Variants in PHKA1 observed in about 807,000 individuals in gnomAD.
PHKA1 encodes the protein phosphorylase kinase regulatory subunit alpha 1.
A neutral mutation model predicts 110.2 loss-of-function variants in PHKA1; 60 were observed. The observed-to-expected ratio is 0.54, with a 90% CI of 0.44 to 0.68. The LOEUF (loss-of-function observed/expected upper bound fraction) is 0.68, where lower values mean the gene tolerates loss of function less well. Among genes scored for constraint, PHKA1 ranks in the 30% least tolerant of loss-of-function variants. PHKA1 has a pLI of 0.00. For synonymous variants in PHKA1, 316 were observed against 333.6 expected (o/e 0.95, Z 0.58); for missense variants, 801 against 942.5 (o/e 0.85, Z 1.97).
At chrX:72,672,167 A>G (rs2053713389) in intron 6 of PHKA1, among the ~76,000 whole-genome samples, 1 of 111,769 alleles carries the variant, frequency 8.9e-6, no homozygotes, top group African/African-American at 3.3e-5. Context: ...GAGCTGAGTG[A>G]ACACTGAAGC....
chrX:72,690,759 T>G (rs1310650246), intron 4 of PHKA1, among the ~76,000 whole-genome samples: 1 of 111,836 alleles, frequency 8.9e-6, no homozygotes, highest in Non-Finnish European at 1.9e-5. Context: ...TTTTTTAAAT[T>G]TAATTTCTTT....
chrX:72,705,298 C>T (rs1252627254), intron 2 of PHKA1, 53 bp from the exon 3 acceptor site: 3 of 955,449 alleles, frequency 3.1e-6, no homozygotes, highest in African/African-American at 1.9e-5. Context: ...GATACAGGAA[C>T]ACTTACTCAG....
intron 14 of PHKA1, among the ~76,000 whole-genome samples, chrX:72,638,885 C>T (rs1275227740): frequency 8.9e-6 from 1 of 111,782 alleles, no homozygotes; most frequent in Non-Finnish European, 1.9e-5. Flanking sequence ...TCAGCAAATG[C>T]CTCAAAGGTA....
At chrX:72,629,171 T>C (rs1490777486) in intron 16 of PHKA1, among the ~76,000 whole-genome samples, 1 of 111,653 alleles carries the variant, frequency 9.0e-6, no homozygotes, top group African/African-American at 3.2e-5. Flanking sequence ...TTTATTATTA[T>C]TGGGAATTGC....
At chrX:72,644,021 T>C (rs782115997) in intron 14 of PHKA1, among the ~76,000 whole-genome samples, 4 of 111,758 alleles carry the variant, frequency 3.6e-5, no homozygotes, top group Non-Finnish European at 5.7e-5. Flanking sequence ...AAAAACAAGT[T>C]CCTTGGCTAT....
At chrX:72,622,291 T>C (rs2052990707) in intron 18 of PHKA1, 1 of 752,345 alleles carries the variant, frequency 1.3e-6, no homozygotes, top group Admixed American at 8.8e-5. Flanking sequence ...GGGCAGCAAA[T>C]TTATTTTTTT....
chrX:72,702,402 A>G (rs781867057), intron 3 of PHKA1, among the ~76,000 whole-genome samples: 100 of 110,960 alleles, frequency 9.0e-4, no homozygotes, highest in Non-Finnish European at 1.4e-3. Flanking sequence ...GTGAGCCGAG[A>G]TCACACCACT....
rs782759379 is a variant in PHKA1 at position 72,655,370 on chromosome X, G to A, written c.1041+750C>T. 6.3e-5 allele frequency among the ~76,000 whole-genome samples: 7 copies of A among 111,769 alleles called. No homozygotes were observed. The East Asian group carries it at 2.0e-3, about 32-fold the overall frequency. ...CGAAGCTGCAGTGAGCCATGATCAC[G>A]CCACTGCACTACAGTCTGGGCAACA... On this transcript the variant is annotated intron_variant, in intron 10 of 31. Coordinates refer to ENST00000373542, the MANE Select transcript of PHKA1 (RefSeq NM_002637.4).
intron 8 of PHKA1, chrX:72,660,763 G>A (rs1603265513): frequency 3.8e-6 from 1 of 261,233 alleles, no homozygotes; most frequent in South Asian, 5.8e-5. Context: ...AGAAAATAAT[G>A]GTTCTTTGTG....
chrX:72,706,942 G>A (rs782709489), intron 2 of PHKA1, among the ~76,000 whole-genome samples: 56 of 111,197 alleles, frequency 5.0e-4, no homozygotes, highest in Non-Finnish European at 9.2e-4. Context: ...AGGAAGTATC[G>A]GGAGGTAGGA....
intron 12 of PHKA1, among the ~76,000 whole-genome samples, chrX:72,651,490 C>T (rs113876327): frequency 0.014 from 1,550 of 110,689 alleles, 25 homozygotes; most frequent in African/African-American, 0.048. Flanking sequence ...GAGCCGAGAT[C>T]GTGCCATTGC....
At chrX:72,676,017 G>T in intron 6 of PHKA1, 53 bp downstream of exon 6, 1 of 900,879 alleles carries the variant, frequency 1.1e-6, no homozygotes, top group Non-Finnish European at 1.6e-6. Context: ...TGTGACAAAG[G>T]GATACCAGAC....
chrX:72,653,595 G>A, intron 10 of PHKA1, 65 bp from the exon 11 acceptor site: 1 of 724,042 alleles, frequency 1.4e-6, no homozygotes, highest in Non-Finnish European at 2.2e-6. Flanking sequence ...CCCAGGAGAA[G>A]GTTGCAGCCA....
At chrX:72,696,018 A>G (rs782092592) in intron 3 of PHKA1, 142 bp from the exon 4 acceptor site, 8 of 538,734 alleles carry the variant, frequency 1.5e-5, no homozygotes, top group Middle Eastern at 5.2e-4. Flanking sequence ...AATACTCGTT[A>G]CCTGTTTTTC....
intron 11 of PHKA1, among the ~76,000 whole-genome samples, chrX:72,652,928 A>T (rs1179082926): frequency 9.0e-6 from 1 of 111,154 alleles, no homozygotes; most frequent in Non-Finnish European, 1.9e-5. Context: ...GGTGCTGCTG[A>T]TGTTGCTGGG....
At position 72,617,844 on chromosome X, in the gene PHKA1, A is replaced by G. The variant is rs1045893285; in HGVS notation, c.2369+866T>C. On this transcript the variant is annotated intron_variant, in intron 21 of 31. Transcript: ENST00000373542. ...ACTATTCCAAAAAATAAAAAAAATAAAAAAAAAAAAGGAAAAGGGGAGAGT... is the reference window on the plus strand; with the variant it reads ...ACTATTCCAAAAAATAAAAAAAATAGAAAAAAAAAAGGAAAAGGGGAGAGT... Among the ~76,000 whole-genome samples, 8 of 106,142 alleles carry G rather than the reference A, an allele frequency of 7.5e-5. No individual in the cohort carries two copies. In the South Asian group the frequency reaches 1.2e-3, roughly 16 times the overall value. The allele number at this position is 106,142 out of a possible 115,157, so 92.2% of individuals were successfully genotyped here.
chrX:72,643,777 T>C (rs141221412), intron 14 of PHKA1, among the ~76,000 whole-genome samples: 5,120 of 111,546 alleles, frequency 0.046, 142 homozygotes, highest in Non-Finnish European at 0.073. Flanking sequence ...GGTTTATAGG[T>C]TCCAGGAATT....
intron 23 of PHKA1, among the ~76,000 whole-genome samples, chrX:72,607,335 A>T (rs2052743723): frequency 9.0e-6 from 1 of 111,691 alleles, no homozygotes; most frequent in African/African-American, 3.3e-5. Context: ...TTACATTCCT[A>T]CCAACAATAT....
chrX:72,698,169 T>C (rs2054154847), intron 3 of PHKA1, among the ~76,000 whole-genome samples: 3 of 109,556 alleles, frequency 2.7e-5, no homozygotes, highest in African/African-American at 1.0e-4. Flanking sequence ...AAACAGGTTA[T>C]CAAGAATATG....
Sources: allele counts gnomAD v4.1 joint callset (sites outside exome capture counted in the v4.1 genomes callset), GRCh38; gene constraint gnomAD v4.1.1; transcripts MANE v1.5; gene names NCBI Gene and HGNC (gene_info 2026-07-23, HGNC 2026-07-21).